The following KCNAB1 variants were observed in gnomAD, a reference collection of about 807,000 sequenced individuals.
KCNAB1 encodes the protein voltage-gated potassium channel subunit beta-1.
In KCNAB1, 35 loss-of-function variants were observed where a neutral mutation model predicts 64.6. That is an observed-to-expected ratio of 0.54 (90% CI 0.41 to 0.72). KCNAB1 has a LOEUF of 0.72. KCNAB1 is among the 30% of genes least tolerant of loss of function. The pLI is 0.00. For synonymous variants in KCNAB1, 177 were observed against 183.8 expected (o/e 0.96, Z 0.30); for missense variants, 401 against 512.9 (o/e 0.78, Z 2.11).
intron 1 of KCNAB1, among the ~76,000 whole-genome samples, chr3:156,370,043 A>G (rs1248113284): frequency 6.6e-6 from 1 of 152,220 alleles, no homozygotes; most frequent in Non-Finnish European, 1.5e-5. Context: ...GGACAATATA[A>G]TGCTTTCACT....
intron 1 of KCNAB1, among the ~76,000 whole-genome samples, chr3:156,401,869 C>CTT (rs60709682): frequency 4.8e-5 from 7 of 145,600 alleles, no homozygotes; most frequent in Non-Finnish European, 4.5e-5. Context: ...AGATTTCCAA[C>CTT]TTTTTTTTTT....
intron 2 of KCNAB1, among the ~76,000 whole-genome samples, chr3:156,442,908 G>C (rs1476155428): frequency 6.6e-6 from 1 of 152,208 alleles, no homozygotes; most frequent in Non-Finnish European, 1.5e-5. Flanking sequence ...CAAAAAACCT[G>C]AGATAAATCC....
intron 7 of KCNAB1, among the ~76,000 whole-genome samples, chr3:156,473,789 G>A (rs557066627): frequency 6.6e-6 from 1 of 152,240 alleles, no homozygotes; most frequent in Non-Finnish European, 1.5e-5. Flanking sequence ...ATAATAAAGA[G>A]ACTAAAGCCT....
chr3:156,412,086 G>A (rs941048581), intron 1 of KCNAB1, among the ~76,000 whole-genome samples: 7 of 152,026 alleles, frequency 4.6e-5, no homozygotes, highest in Non-Finnish European at 7.4e-5. Context: ...AGTATATGGA[G>A]ACTGCTCATA....
intron 8 of KCNAB1, among the ~76,000 whole-genome samples, chr3:156,486,993 T>TA (rs1715268170): frequency 6.6e-6 from 1 of 152,020 alleles, no homozygotes; most frequent in African/African-American, 2.4e-5. Flanking sequence ...GTAGGAGATT[T>TA]AAAAAAATTA....
intron 2 of KCNAB1, among the ~76,000 whole-genome samples, chr3:156,443,926 C>T (rs1717209649): frequency 1.3e-5 from 2 of 152,114 alleles, no homozygotes; most frequent in African/African-American, 4.8e-5. Context: ...TGAAAGCATC[C>T]CACCCCTCAG....
chr3:156,133,580 G>A (rs1714123441), intron 1 of KCNAB1, among the ~76,000 whole-genome samples: 1 of 152,186 alleles, frequency 6.6e-6, no homozygotes, highest in Non-Finnish European at 1.5e-5. Flanking sequence ...GAGGATACAG[G>A]GATGCAGAGT....
intron 1 of KCNAB1, among the ~76,000 whole-genome samples, chr3:156,420,463 G>A (rs1715397256): frequency 6.6e-6 from 1 of 152,174 alleles, no homozygotes; most frequent in Non-Finnish European, 1.5e-5. Context: ...AAAAACATGT[G>A]ATGCAAAAAT....
intron 1 of KCNAB1, among the ~76,000 whole-genome samples, chr3:156,336,917 A>G (rs1723751071): frequency 6.6e-6 from 1 of 152,238 alleles, no homozygotes; most frequent in South Asian, 2.1e-4. Context: ...TTAGATTAGC[A>G]TTATATGTTC....
At chr3:156,253,116 T>A (rs981973796) in intron 1 of KCNAB1, among the ~76,000 whole-genome samples, 1 of 152,224 alleles carries the variant, frequency 6.6e-6, no homozygotes, top group Admixed American at 6.5e-5. Context: ...ACTAAATCCG[T>A]GGGTGTCATG....
At chr3:156,229,856 A>G (rs1716413622) in intron 1 of KCNAB1, among the ~76,000 whole-genome samples, 3 of 152,188 alleles carry the variant, frequency 2.0e-5, no homozygotes, top group Admixed American at 1.3e-4. Flanking sequence ...TATAATTTAA[A>G]AAGTTTTTTT....
At chr3:156,217,540 A>C (rs1261798918) in intron 1 of KCNAB1, among the ~76,000 whole-genome samples, 1 of 152,210 alleles carries the variant, frequency 6.6e-6, no homozygotes, top group African/African-American at 2.4e-5. Context: ...TTGCGTTTCC[A>C]CTATGGTTTA....
chr3:156,171,914 C>A (rs969648278), intron 1 of KCNAB1, among the ~76,000 whole-genome samples: 42 of 152,216 alleles, frequency 2.8e-4, no homozygotes, highest in African/African-American at 9.9e-4. Context: ...TTAATCTGAC[C>A]AAGTGATTTC....
intron 1 of KCNAB1, among the ~76,000 whole-genome samples, chr3:156,209,267 G>A: frequency 6.6e-6 from 1 of 152,156 alleles, no homozygotes; most frequent in African/African-American, 2.4e-5. Flanking sequence ...ATTAGGGTGG[G>A]TACTCTAGGC....
At chr3:156,232,590 G>A (rs76777893) in intron 1 of KCNAB1, among the ~76,000 whole-genome samples, 4 of 152,220 alleles carry the variant, frequency 2.6e-5, no homozygotes, top group East Asian at 1.9e-4. Flanking sequence ...AGAAGCCCAC[G>A]CCAGATGAAG....
At chr3:156,182,830 C>G (rs1298508749) in intron 1 of KCNAB1, among the ~76,000 whole-genome samples, 1 of 151,344 alleles carries the variant, frequency 6.6e-6, no homozygotes, top group Non-Finnish European at 1.5e-5. Context: ...TCCCGAGTAG[C>G]TGGGATTACA....
intron 1 of KCNAB1, chr3:156,218,019 A>G (rs1715431362): frequency 6.6e-6 from 1 of 152,314 alleles, no homozygotes; most frequent in South Asian, 2.1e-4. Flanking sequence ...AAAGAACAGA[A>G]TCACTGCTGC....
chr3:156,200,538 G>A (rs546514770), intron 1 of KCNAB1, among the ~76,000 whole-genome samples: 3 of 152,332 alleles, frequency 2.0e-5, no homozygotes, highest in African/African-American at 7.2e-5. Flanking sequence ...GGAATCTAGA[G>A]AGGCAGCCTG....
At chr3:156,381,032 C>T (rs1034117474) in intron 1 of KCNAB1, among the ~76,000 whole-genome samples, 4 of 152,116 alleles carry the variant, frequency 2.6e-5, no homozygotes, top group African/African-American at 7.2e-5. Flanking sequence ...TTTGTTAATT[C>T]GCCTGATTTA....
Sources: gnomAD v4.1 joint callset for allele counts (sites outside exome capture counted in the v4.1 genomes callset) on GRCh38, gnomAD v4.1.1 for gene constraint, MANE v1.5 for transcripts, NCBI Gene and HGNC (gene_info 2026-07-23, HGNC 2026-07-21) for gene names.